The following ROBO2 variants were observed in gnomAD, a reference collection of about 807,000 sequenced individuals.
ROBO2 encodes roundabout homolog 2.
In ROBO2, 53 loss-of-function variants were observed where a neutral mutation model predicts 160.8. The observed-to-expected ratio is 0.33, with a 90% CI of 0.26 to 0.41. The LOEUF is 0.41. ROBO2 is among the 10% of genes least tolerant of loss of function. ROBO2 has a pLI of 1.00. For missense variants in ROBO2, 1,577 were observed against 1,722.4 expected (o/e 0.92, Z 1.49); for synonymous variants, 664 against 611.7 (o/e 1.09, Z -1.26).
chr3:76,778,564 AT>A (rs1313561250), intron 2 of ROBO2, among the ~76,000 whole-genome samples: 1 of 151,152 alleles, frequency 6.6e-6, no homozygotes, highest in Non-Finnish European at 1.5e-5. Context: ...CCCATAAAAA[AT>A]AATCCCAATC....
chr3:77,590,313 A>G (rs2094149581), intron 17 of ROBO2, among the ~76,000 whole-genome samples: 1 of 152,056 alleles, frequency 6.6e-6, no homozygotes, highest in South Asian at 2.1e-4. Flanking sequence ...CTTCCTCATA[A>G]TTTGTCACCC....
intron 2 of ROBO2, among the ~76,000 whole-genome samples, chr3:76,983,165 A>G (rs961747837): frequency 6.6e-6 from 1 of 152,080 alleles, no homozygotes; most frequent in Non-Finnish European, 1.5e-5. Flanking sequence ...CATGCCTGTA[A>G]TTCCACCTAC....
intron 2 of ROBO2, among the ~76,000 whole-genome samples, chr3:76,145,062 G>A (rs2071833254): frequency 2.6e-5 from 4 of 151,756 alleles, no homozygotes; most frequent in Middle Eastern, 3.4e-3. Flanking sequence ...AATTCCTGTG[G>A]TAGATGATTT....
chr3:76,935,091 A>G (rs2077611021), intron 2 of ROBO2, among the ~76,000 whole-genome samples: 1 of 151,930 alleles, frequency 6.6e-6, no homozygotes. Flanking sequence ...AACTAGGACT[A>G]TAGGCACATG....
chr3:76,509,464 G>A (rs1273755877), intron 2 of ROBO2, among the ~76,000 whole-genome samples: 1 of 152,050 alleles, frequency 6.6e-6, no homozygotes, highest in Non-Finnish European at 1.5e-5. Flanking sequence ...ATGCAGCCCT[G>A]GAACTCTAAG....
At chr3:76,065,354 G>A (rs1052115784) in intron 2 of ROBO2, among the ~76,000 whole-genome samples, 1 of 152,024 alleles carries the variant, frequency 6.6e-6, no homozygotes, top group Admixed American at 6.6e-5. Flanking sequence ...CAATCTCAAG[G>A]AAGATGACTA....
Position 76,384,786 on chromosome 3 carries a change from T to G in ROBO2, c.109+447184T>G, listed in dbSNP as rs933039401. ...CTCACTTGCTATCAAGAGAACAGCA[T>G]GGGGGTACCTGCCTCCATGATTCAA... On this transcript the variant is annotated intron_variant, in intron 2 of 26. Coordinates refer to the ROBO2 transcript ENST00000487694. Among the ~76,000 whole-genome samples, 15 of 152,250 alleles carry G rather than the reference T, an allele frequency of 9.9e-5. No homozygotes were observed. The South Asian group carries it at 3.1e-3, about 32-fold the overall frequency.
intron 2 of ROBO2, among the ~76,000 whole-genome samples, chr3:76,806,207 C>CTGTG (rs781013563): frequency 2.7e-4 from 22 of 80,520 alleles, no homozygotes; most frequent in Admixed American, 9.3e-4. Context: ...TGTTTATTTT[C>CTGTG]TGTGTGCGTG....
chr3:77,579,148 A>G (rs949333294), intron 15 of ROBO2, among the ~76,000 whole-genome samples: 1 of 152,134 alleles, frequency 6.6e-6, no homozygotes, highest in East Asian at 1.9e-4. Flanking sequence ...GTATAATATG[A>G]ATACAAATGT....
chr3:77,565,891 T>A (rs898577413), intron 12 of ROBO2, among the ~76,000 whole-genome samples: 5 of 151,992 alleles, frequency 3.3e-5, no homozygotes, highest in African/African-American at 1.2e-4. Flanking sequence ...GTCACTGGAG[T>A]CTGAGGTTTA....
intron 24 of ROBO2, among the ~76,000 whole-genome samples, chr3:77,641,565 A>G (rs1387959274): frequency 6.6e-6 from 1 of 152,196 alleles, no homozygotes; most frequent in East Asian, 1.9e-4. Context: ...CATTGTGTAC[A>G]ATATCTTCTA....
chr3:77,016,219 G>A (rs752020153), intron 2 of ROBO2, among the ~76,000 whole-genome samples: 6 of 151,968 alleles, frequency 3.9e-5, no homozygotes, highest in East Asian at 2.0e-4. Flanking sequence ...CTCATGATCC[G>A]CCGCCTCGGC....
intron 2 of ROBO2, among the ~76,000 whole-genome samples, chr3:77,421,065 T>C (rs1284035395): frequency 2.0e-5 from 3 of 152,132 alleles, no homozygotes; most frequent in Non-Finnish European, 4.4e-5. Context: ...GTCTTTCCTA[T>C]CACACTGGAA....
intron 2 of ROBO2, among the ~76,000 whole-genome samples, chr3:77,195,413 C>G (rs2082226283): frequency 6.6e-6 from 1 of 151,960 alleles, no homozygotes; most frequent in Non-Finnish European, 1.5e-5. Context: ...ATAGCTTTTT[C>G]TCTTTCAAAT....
rs1042071023 is a variant in ROBO2, at chr3:76,483,557, C to G, written c.109+545955C>G. 5.9e-5 allele frequency among the ~76,000 whole-genome samples: 9 copies of G among 152,252 alleles called. No homozygotes were observed. The East Asian group carries it at 1.4e-3, about 23-fold the overall frequency. On this transcript the variant is annotated intron_variant, in intron 2 of 26. Transcript: ENST00000487694. Reference sequence around the variant, plus strand: ...ACCATATGCAGAATCCATATTATCTCTACCAGAATGTTAAAGTCTACATCA... The same window carrying G: ...ACCATATGCAGAATCCATATTATCTGTACCAGAATGTTAAAGTCTACATCA...
intron 2 of ROBO2, among the ~76,000 whole-genome samples, chr3:76,343,502 A>G (rs1263591005): frequency 6.6e-6 from 1 of 151,968 alleles, no homozygotes; most frequent in African/African-American, 2.4e-5. Context: ...AATATAACCT[A>G]TAAATCAGAG....
chr3:77,596,561 G>T, intron 18 of ROBO2, 62 bp from the exon 20 acceptor site: 3 of 1,599,826 alleles, frequency 1.9e-6, no homozygotes, highest in South Asian at 1.1e-5. Flanking sequence ...TATTGCATGA[G>T]ACGAGTGTCA....
intron 2 of ROBO2, among the ~76,000 whole-genome samples, chr3:76,882,556 G>A (rs1447604837): frequency 6.6e-6 from 1 of 151,422 alleles, no homozygotes; most frequent in Non-Finnish European, 1.5e-5. Flanking sequence ...AGTGTTTTTA[G>A]CACTTTCAGT....
chr3:77,345,157 G>C (rs1046832325), intron 2 of ROBO2, among the ~76,000 whole-genome samples: 1 of 152,182 alleles, frequency 6.6e-6, no homozygotes, highest in Admixed American at 6.6e-5. Context: ...GCTTGACTAG[G>C]TGAAGGATTT....
Sources: allele counts gnomAD v4.1 joint callset (sites outside exome capture counted in the v4.1 genomes callset), GRCh38; gene constraint gnomAD v4.1.1; transcripts MANE v1.5; gene names NCBI Gene and HGNC (gene_info 2026-07-23, HGNC 2026-07-21).